The following STT3B variants were observed in gnomAD, a reference collection of about 807,000 sequenced individuals.
The protein encoded by STT3B is dolichyl-diphosphooligosaccharide--protein glycosyltransferase subunit STT3B.
In STT3B, 29 loss-of-function variants were observed where a neutral mutation model predicts 96.8. That is an observed-to-expected ratio of 0.30 (90% CI 0.22 to 0.41). The LOEUF (loss-of-function observed/expected upper bound fraction) is 0.41. Among genes scored for constraint, STT3B ranks in the 10% least tolerant of loss-of-function variants. The pLI is 1.00. For missense variants in STT3B, 640 were observed against 1,022.3 expected (o/e 0.63, Z 5.10); for synonymous variants, 367 against 360.0 (o/e 1.02, Z -0.22).
At chr3:31,572,050 TATC>T (rs1280829383) in intron 1 of STT3B, among the ~76,000 whole-genome samples, 2 of 83,638 alleles carry the variant, frequency 2.4e-5, no homozygotes, top group African/African-American at 4.4e-5. Context: ...TATATTAATA[TATC>T]ATATATTAAT....
chr3:31,618,451 TGTG>T (rs1447873254), intron 8 of STT3B, among the ~76,000 whole-genome samples: 1 of 151,904 alleles, frequency 6.6e-6, no homozygotes, highest in Non-Finnish European at 1.5e-5. Flanking sequence ...ATATATCTGT[TGTG>T]GTTTTTTTTT....
At chr3:31,550,447 A>G (rs752157074) in intron 1 of STT3B, among the ~76,000 whole-genome samples, 2 of 151,538 alleles carry the variant, frequency 1.3e-5, no homozygotes, top group African/African-American at 2.4e-5. Context: ...TTGCAAGAGC[A>G]GAGAGAGAGG....
intron 8 of STT3B, among the ~76,000 whole-genome samples, chr3:31,618,264 C>T (rs934541627): frequency 1.5e-5 from 2 of 132,204 alleles, no homozygotes; most frequent in Non-Finnish European, 3.2e-5. Context: ...TACCTTTGTG[C>T]AATTTAAAGA....
chr3:31,627,932 G>A (rs961446790), intron 13 of STT3B, among the ~76,000 whole-genome samples: 1 of 151,208 alleles, frequency 6.6e-6, no homozygotes, highest in African/African-American at 2.4e-5. Context: ...AGTATAAGAG[G>A]ATATACAATA....
intron 4 of STT3B, among the ~76,000 whole-genome samples, chr3:31,599,536 G>A (rs1344213247): frequency 3.9e-5 from 6 of 152,268 alleles, no homozygotes; most frequent in East Asian, 3.9e-4. Context: ...AATATTTTAC[G>A]TAAGAGAAGC....
intron 1 of STT3B, among the ~76,000 whole-genome samples, chr3:31,540,680 A>G (rs1697244394): frequency 6.6e-6 from 1 of 152,180 alleles, no homozygotes; most frequent in Non-Finnish European, 1.5e-5. Flanking sequence ...GTTGTAGCGT[A>G]TAAGATATAC....
intron 1 of STT3B, among the ~76,000 whole-genome samples, chr3:31,543,404 A>G (rs573351733): frequency 6.6e-6 from 1 of 152,330 alleles, no homozygotes; most frequent in Admixed American, 6.5e-5. Context: ...GAGGCAAAAG[A>G]TTCTTTAAGG....
At chr3:31,575,468 G>GT (rs149829667) in intron 1 of STT3B, among the ~76,000 whole-genome samples, 2,334 of 150,572 alleles carry the variant, frequency 0.016, 54 homozygotes, top group African/African-American at 0.055. Flanking sequence ...GATTTTTTTG[G>GT]GGGGGGGATA....
At chr3:31,611,413 T>G (rs1395051360) in intron 5 of STT3B, among the ~76,000 whole-genome samples, 2 of 152,220 alleles carry the variant, frequency 1.3e-5, no homozygotes, top group Non-Finnish European at 2.9e-5. Flanking sequence ...ATGCATAAAT[T>G]GAAGAGGTAA....
rs1699503492 is a variant in STT3B, at chr3:31,624,915, A to G, written c.1729A>G (p.Thr577Ala). The change falls in exon 12 of 16, where the codon ACC becomes GCC. Residue 577 changes from threonine (T) to alanine (A), a missense_variant and splice_region_variant. Thr to Ala is a moderately conservative substitution (Grantham distance 58). Transcript: ENST00000295770. Reference protein sequence around the residue: ...VVLASYNHDGTRNILDDFREA... With the variant: ...VVLASYNHDGARNILDDFREA... ...AAAGAGTATTGTGATTCTTTTCAGC[A>G]CCAGGAATATCTTAGATGATTTTAG... 6.2e-7 allele frequency: 1 copy of G among 1,610,098 alleles called. No individual in the cohort carries two copies. Among genetic ancestry groups the G allele is most frequent in the African/African-American group, 1.3e-5 (1 of 74,754 alleles).
At chr3:31,622,331 T>G (rs1417908646) in intron 10 of STT3B, 23 bp downstream of exon 10, 1 of 1,587,300 alleles carries the variant, frequency 6.3e-7, no homozygotes, top group African/African-American at 1.3e-5. Flanking sequence ...AAGTAAGGCC[T>G]TTAAATTGTC....
chr3:31,535,642 G>A (rs1286298512), intron 1 of STT3B, among the ~76,000 whole-genome samples: 1 of 152,074 alleles, frequency 6.6e-6, no homozygotes, highest in African/African-American at 2.4e-5. Context: ...AGAATCTCTC[G>A]AACCCGGGAG....
At chr3:31,596,619 T>C (rs1007946250) in intron 3 of STT3B, among the ~76,000 whole-genome samples, 179 bp from the exon 4 acceptor site, 3 of 152,252 alleles carry the variant, frequency 2.0e-5, no homozygotes, top group Non-Finnish European at 4.4e-5. Flanking sequence ...AATGTCTCAG[T>C]GTGCTGCTCA....
intron 5 of STT3B, 44 bp from the exon 6 acceptor site, chr3:31,615,061 A>G: frequency 8.3e-7 from 1 of 1,205,060 alleles, no homozygotes; most frequent in African/African-American, 1.5e-5. Context: ...TAGGTACTTA[A>G]TGGTAGTAGT....
At chr3:31,587,893 A>T (rs1463044346) in intron 3 of STT3B, among the ~76,000 whole-genome samples, 1 of 152,078 alleles carries the variant, frequency 6.6e-6, no homozygotes, top group Non-Finnish European at 1.5e-5. Flanking sequence ...TCCTACTCCA[A>T]ATCTTTTTCA....
intron 1 of STT3B, among the ~76,000 whole-genome samples, chr3:31,559,144 GGGGT>G (rs1697796704): frequency 1.5e-5 from 1 of 64,744 alleles, no homozygotes; most frequent in Non-Finnish European, 2.9e-5. Flanking sequence ...ATTGATTCTT[GGGGT>G]GTGTGTGTGT....
At chr3:31,598,822 T>G (rs1038979212) in intron 4 of STT3B, among the ~76,000 whole-genome samples, 6 of 152,052 alleles carry the variant, frequency 3.9e-5, no homozygotes, top group African/African-American at 7.2e-5. Flanking sequence ...CTTTTTTTTT[T>G]TTTTGAGATG....
chr3:31,619,485 A>G (rs1164570935), intron 8 of STT3B, among the ~76,000 whole-genome samples, 191 bp from the exon 9 acceptor site: 3 of 152,214 alleles, frequency 2.0e-5, no homozygotes, highest in African/African-American at 7.2e-5. Flanking sequence ...CAGAGGGCAT[A>G]TTAGTTTTAG....
chr3:31,533,896 C>T lies in STT3B; in HGVS notation c.314+584C>T, dbSNP rs1008534487. On this transcript the variant is annotated intron_variant, in intron 1 of 15. Coordinates refer to ENST00000295770, the MANE Select transcript of STT3B (RefSeq NM_178862.3). ...CTTTTACTGTTTCTTTTTATGCTCT[C>T]ATGATACGAGAAGGGAAAAGGAGAG... Among the ~76,000 whole-genome samples the T allele has an allele frequency of 7.9e-5, 12 of 152,286 alleles. No homozygotes were observed. The East Asian group carries it at 2.3e-3, about 29-fold the overall frequency.
Sources: allele counts gnomAD v4.1 joint callset (sites outside exome capture counted in the v4.1 genomes callset), GRCh38; gene constraint gnomAD v4.1.1; transcripts MANE v1.5; gene names NCBI Gene and HGNC (gene_info 2026-07-23, HGNC 2026-07-21).